FARS2: variants seen among roughly 807,000 people sequenced by gnomAD.
The protein encoded by FARS2 is phenylalanyl-tRNA synthetase 2, mitochondrial.
Under a neutral mutation model 46.4 loss-of-function variants are expected in FARS2, and 40 were observed. The observed-to-expected ratio is 0.86, with a 90% CI of 0.67 to 1.12. The LOEUF (loss-of-function observed/expected upper bound fraction) is 1.12, where lower values mean the gene tolerates loss of function less well. FARS2 is among the 50% of genes most tolerant of loss of function. FARS2 has a pLI of 0.00. For synonymous variants in FARS2, 234 were observed against 214.9 expected, an observed-to-expected ratio of 1.09 and a Z score of -0.78; for missense variants, 513 against 567.9, an observed-to-expected ratio of 0.90 and a Z score of 0.98.
chr6:5,428,311 C>G (rs1318080720), intron 3 of FARS2, among the ~76,000 whole-genome samples: 1 of 152,036 alleles, frequency 6.6e-6, no homozygotes, highest in Non-Finnish European at 1.5e-5. Flanking sequence ...ATTTTTTTAA[C>G]AGAACCTAAG....
At chr6:5,606,470 T>G (rs1290215659) in intron 5 of FARS2, among the ~76,000 whole-genome samples, 1 of 151,126 alleles carries the variant, frequency 6.6e-6, no homozygotes, top group Admixed American at 6.6e-5. Context: ...ACCGAGAGAG[T>G]TTGCCTCCTG....
At chr6:5,624,819 G>T (rs972309971) in intron 6 of FARS2, among the ~76,000 whole-genome samples, 1 of 152,158 alleles carries the variant, frequency 6.6e-6, no homozygotes, top group African/African-American at 2.4e-5. Context: ...GTAGGGTGGG[G>T]CGGCCCCGCC....
At chr6:5,645,968 G>T (rs1334293099) in intron 6 of FARS2, among the ~76,000 whole-genome samples, 1 of 152,224 alleles carries the variant, frequency 6.6e-6, no homozygotes, top group Admixed American at 6.5e-5. Flanking sequence ...TAGTTTAACG[G>T]AGGTAGGGAC....
Position 5,343,716 on chromosome 6 carries a change from C to T in FARS2, c.-21-24834C>T, listed in dbSNP as rs1757047742. 6.6e-6 allele frequency among the ~76,000 whole-genome samples: 1 copy of T among 152,154 alleles called. No homozygotes were observed. On this transcript the variant is annotated intron_variant, in intron 1 of 6. Transcript: ENST00000274680. The surrounding 1 kb of genome is among the most constrained non-coding windows in gnomAD (Gnocchi z 4.5). The stretch of plus-strand genomic sequence containing the variant: ...GAAAGTGGAGGATGAGCTGGTATGA[C>T]ATGGGTTCTGTCTAGGGATTCTCCT...
At chr6:5,465,697 A>G (rs76955351) in intron 4 of FARS2, among the ~76,000 whole-genome samples, 5,507 of 152,210 alleles carry the variant, frequency 0.036, 308 homozygotes, top group African/African-American at 0.13. Context: ...GGTATTTGTC[A>G]GAAATTATTT....
At chr6:5,317,852 T>C (rs1394638467) in intron 1 of FARS2, among the ~76,000 whole-genome samples, 1 of 151,850 alleles carries the variant, frequency 6.6e-6, no homozygotes, top group Non-Finnish European at 1.5e-5. Flanking sequence ...GGCTTGTGGC[T>C]TGAGGAGCAG....
At chr6:5,317,661 T>C (rs1236487069) in intron 1 of FARS2, among the ~76,000 whole-genome samples, 2 of 151,848 alleles carry the variant, frequency 1.3e-5, no homozygotes, top group Non-Finnish European at 2.9e-5. Flanking sequence ...GGGCCTGAAG[T>C]TGCAGCTACT....
intron 4 of FARS2, among the ~76,000 whole-genome samples, chr6:5,481,454 C>A (rs1454247724): frequency 6.6e-6 from 1 of 152,166 alleles, no homozygotes; most frequent in African/African-American, 2.4e-5. Context: ...ACCACAGTTT[C>A]TTTTCTTTTG....
At chr6:5,449,731 G>A (rs980277970) in intron 4 of FARS2, among the ~76,000 whole-genome samples, 4 of 152,186 alleles carry the variant, frequency 2.6e-5, no homozygotes, top group Non-Finnish European at 5.9e-5. Flanking sequence ...TATACTTACT[G>A]ATTTAGCATT....
chr6:5,690,334 A>G (rs947134683), intron 6 of FARS2, among the ~76,000 whole-genome samples: 1 of 152,044 alleles, frequency 6.6e-6, no homozygotes, highest in African/African-American at 2.4e-5. Context: ...AGTGGCTAGT[A>G]CTGGTTGTTC....
chr6:5,653,238 G>T (rs937158034), intron 6 of FARS2, among the ~76,000 whole-genome samples: 6 of 152,160 alleles, frequency 3.9e-5, no homozygotes, highest in Non-Finnish European at 8.8e-5. Flanking sequence ...TCTTACTGAA[G>T]TATCCTCTTA....
At chr6:5,562,167 G>A (rs1772023317) in intron 5 of FARS2, among the ~76,000 whole-genome samples, 1 of 151,956 alleles carries the variant, frequency 6.6e-6, no homozygotes, top group South Asian at 2.1e-4. Context: ...ATTTTTCGAT[G>A]TTTCAAAGTC....
At chr6:5,432,323 A>ATATAT (rs1394200964) in intron 4 of FARS2, among the ~76,000 whole-genome samples, 5 of 39,834 alleles carry the variant, frequency 1.3e-4, no homozygotes, top group Non-Finnish European at 2.3e-4. Flanking sequence ...TTAAAAAAAA[A>ATATAT]AAAAATATAT....
chr6:5,709,816 G>A lies in FARS2; in HGVS notation c.1218-61475G>A, dbSNP rs182784905. Among the ~76,000 whole-genome samples the A allele has an allele frequency of 9.2e-5, 14 of 152,132 alleles. No individual in the cohort carries two copies. The East Asian group carries it at 2.3e-3, about 25-fold the overall frequency. Reference sequence around the variant, plus strand: ...AAGGAAAGATACTGAGCAGAGGCCCGGGGGCATTCCCAGCCCTATTCTCCA... The same window carrying A: ...AAGGAAAGATACTGAGCAGAGGCCCAGGGGCATTCCCAGCCCTATTCTCCA... On this transcript the variant is annotated intron_variant, in intron 6 of 6. Transcript: ENST00000274680.
At chr6:5,528,827 C>G (rs1769637448) in intron 4 of FARS2, among the ~76,000 whole-genome samples, 2 of 152,124 alleles carry the variant, frequency 1.3e-5, no homozygotes, top group Non-Finnish European at 2.9e-5. Context: ...TCCTGCTTTC[C>G]TCCTGACTGA....
At chr6:5,485,357 A>C (rs1259948284) in intron 4 of FARS2, among the ~76,000 whole-genome samples, 1 of 152,168 alleles carries the variant, frequency 6.6e-6, no homozygotes, top group Non-Finnish European at 1.5e-5. Flanking sequence ...AAACTTAATG[A>C]GGGCATACCT....
chr6:5,466,996 A>G (rs909700466), intron 4 of FARS2: 4 of 985,230 alleles, frequency 4.1e-6, no homozygotes, highest in African/African-American at 1.7e-5. Flanking sequence ...CGTGCAACAG[A>G]TGTCCTCCTG....
At chr6:5,314,723 C>T (rs1203593099) in intron 1 of FARS2, among the ~76,000 whole-genome samples, 2 of 152,126 alleles carry the variant, frequency 1.3e-5, no homozygotes, top group African/African-American at 4.8e-5. Flanking sequence ...TGCAGGTCCT[C>T]GTCGATATGG....
At chr6:5,374,961 G>A (rs1759285796) in intron 2 of FARS2, among the ~76,000 whole-genome samples, 1 of 152,060 alleles carries the variant, frequency 6.6e-6, no homozygotes, top group Non-Finnish European at 1.5e-5. Flanking sequence ...TGAAATCCAT[G>A]AAGCTCTTAC....
Sources: gnomAD v4.1 joint callset for allele counts (sites outside exome capture counted in the v4.1 genomes callset) on GRCh38, gnomAD v4.1.1 for gene constraint, Gnocchi (gnomAD v3.1) non-coding constraint, MANE v1.5 for transcripts, NCBI Gene and HGNC (gene_info 2026-07-23, HGNC 2026-07-21) for gene names.